Variants in VAPB observed in about 807,000 individuals in gnomAD.
VAPB encodes the protein VAMP associated protein B and C.
A neutral mutation model predicts 25.6 loss-of-function variants in VAPB; 7 were observed. The observed-to-expected ratio is 0.27, with a 90% CI of 0.16 to 0.51. VAPB has a LOEUF of 0.51. Ranked by LOEUF, VAPB falls within the 20% of genes least tolerant of loss-of-function variation. The pLI, the probability that VAPB is intolerant of heterozygous loss-of-function variation, is 0.97. For synonymous variants in VAPB, 112 were observed against 109.2 expected, an observed-to-expected ratio of 1.03 and a Z score of -0.16; for missense variants, 266 against 301.3, an observed-to-expected ratio of 0.88 and a Z score of 0.87.
intron 2 of VAPB, among the ~76,000 whole-genome samples, chr20:58,426,368 T>C: frequency 6.6e-6 from 1 of 152,210 alleles, no homozygotes. Context: ...TGGCTATTCC[T>C]TACAGAGTTC....
Position 58,410,025 on chromosome 20 carries a change from C to A in VAPB, c.59-8186C>A, listed in dbSNP as rs535728819. 1.3e-4 allele frequency among the ~76,000 whole-genome samples: 20 copies of A among 151,622 alleles called. No individual in the cohort carries two copies. In the South Asian group the frequency reaches 4.2e-3, roughly 32 times the overall value. ...CCGAAAGTGAATTAATATAAAAGAC[C>A]AAATGCTTTTTCCCCTTCCTTTTTT... is the stretch of plus-strand genomic sequence containing the variant. On this transcript the variant is annotated intron_variant, in intron 1 of 5. Transcript: ENST00000475243.
chr20:58,395,152 C>CTTTTT (rs397865707), intron 1 of VAPB, among the ~76,000 whole-genome samples: 3 of 128,568 alleles, frequency 2.3e-5, no homozygotes, highest in African/African-American at 5.9e-5. Context: ...CCAAAAGTGT[C>CTTTTT]TTTTTTTTTT....
rs1246100622 is a variant in VAPB at position 58,450,391 on chromosome 20, G to A, written c.*6156G>A. 1 of 453,904 alleles carries A rather than the reference G, an allele frequency of 2.2e-6. No homozygotes were observed. The highest frequency in any genetic ancestry group is 7.0e-5 in the East Asian group (1 of 14,380). 28.1% of individuals were successfully genotyped at this position (453,904 alleles called of 1,614,324 possible). A position where few individuals can be genotyped will look rare whatever the true frequency, so the allele number is the denominator to read the frequency against. ...CTATATGAGGTGCTGCGAAATTAGT[G>A]GGCGTGGCTTTTTATATTTTTCATT... On this transcript the variant is annotated 3_prime_UTR_variant, in exon 6 of 6. Transcript: ENST00000475243.
chr20:58,425,470 G>T (rs191202425), intron 2 of VAPB, among the ~76,000 whole-genome samples: 44 of 152,332 alleles, frequency 2.9e-4, no homozygotes, highest in Admixed American at 2.7e-3. Context: ...CGCAAAAAAT[G>T]CAAATTAGCA....
rs949428879 is a variant in VAPB at position 58,389,933 on chromosome 20, A to T, written c.58+416A>T. Among the ~76,000 whole-genome samples, 7 of 152,136 alleles carry T rather than the reference A, an allele frequency of 4.6e-5. No individual in the cohort carries two copies. In the East Asian group the frequency reaches 1.3e-3, roughly 29 times the overall value. The stretch of plus-strand genomic sequence containing the variant: ...CTGCTCAGAGAGGCCTGCTGTGACC[A>T]CCCAGCCACCGTGCACACCTGCTGT... On this transcript the variant is annotated intron_variant, in intron 1 of 5. Coordinates refer to ENST00000475243, the MANE Select transcript of VAPB (RefSeq NM_004738.5).
Position 58,447,247 on chromosome 20 carries a change from G to A in VAPB, c.*3012G>A. On this transcript the variant is annotated 3_prime_UTR_variant, in exon 6 of 6. Transcript: ENST00000475243. The stretch of plus-strand genomic sequence containing the variant: ...TTAAATTGGTAACTTAAGCTTCCTT[G>A]GCACGATACAAAATACCTCTTAAAG... 1 of 454,108 alleles carries A rather than the reference G, an allele frequency of 2.2e-6. No homozygotes were observed. The highest frequency in any genetic ancestry group is 4.4e-6 in the Non-Finnish European group (1 of 226,780). The allele number at this position is 454,108 out of a possible 1,614,324, so 28.1% of individuals were successfully genotyped here.
At chr20:58,438,111 G>A (rs1989087433) in intron 3 of VAPB, among the ~76,000 whole-genome samples, 1 of 152,136 alleles carries the variant, frequency 6.6e-6, no homozygotes, top group South Asian at 2.1e-4. Context: ...ATGGAGATGG[G>A]TCTTGGGGTA....
chr20:58,433,136 AT>A (rs1988963366), intron 2 of VAPB, among the ~76,000 whole-genome samples: 1 of 152,130 alleles, frequency 6.6e-6, no homozygotes, highest in Non-Finnish European at 1.5e-5. Flanking sequence ...TGTTTTGTGA[AT>A]GGTTCCATTA....
intron 2 of VAPB, among the ~76,000 whole-genome samples, chr20:58,422,022 G>T (rs1412762551): frequency 6.6e-6 from 1 of 152,180 alleles, no homozygotes; most frequent in East Asian, 1.9e-4. Flanking sequence ...TATAAACTTA[G>T]GTGGTAAAGT....
rs1447264007 is a variant in VAPB at position 58,434,678 on chromosome 20, A to T, written c.288A>T (p.Pro96=). Residue 96 remains proline (P), a synonymous_variant, in exon 3 of 6, where the codon CCA becomes CCT. Transcript: ENST00000475243. ...HKFMVQSMFA[P]TDTSDMEAVW... Reference sequence around the variant, plus strand: ...TTATGGTTCAGTCTATGTTTGCTCCAACTGACACTTCAGATATGGAAGCAG... The same window carrying T: ...TTATGGTTCAGTCTATGTTTGCTCCTACTGACACTTCAGATATGGAAGCAG... 2 of 1,582,104 alleles carry T rather than the reference A, an allele frequency of 1.3e-6. No individual in the cohort carries two copies. The highest frequency in any genetic ancestry group is 2.7e-5 in the African/African-American group (2 of 74,374).
At chr20:58,401,632 G>T (rs1366743722) in intron 1 of VAPB, among the ~76,000 whole-genome samples, 1 of 152,058 alleles carries the variant, frequency 6.6e-6, no homozygotes, top group Non-Finnish European at 1.5e-5. Context: ...CAGGGTTACA[G>T]GTTCACCTTC....
chr20:58,432,879 A>AT (rs572745046), intron 2 of VAPB, among the ~76,000 whole-genome samples: 30 of 152,332 alleles, frequency 2.0e-4, no homozygotes, highest in African/African-American at 6.3e-4. Context: ...AGAAAGAGTT[A>AT]TGTTGATAAA....
chr20:58,433,636 A>T (rs906663551), intron 2 of VAPB, among the ~76,000 whole-genome samples: 1 of 152,134 alleles, frequency 6.6e-6, no homozygotes, highest in African/African-American at 2.4e-5. Context: ...CATTCTTTTC[A>T]TGTGAAAAGT....
intron 2 of VAPB, among the ~76,000 whole-genome samples, chr20:58,421,435 T>C (rs1391857435): frequency 6.6e-6 from 1 of 152,204 alleles, no homozygotes; most frequent in African/African-American, 2.4e-5. Context: ...AGAAGAAATT[T>C]GTGTTTTCTC....
chr20:58,430,341 G>A (rs1725291267), intron 2 of VAPB, among the ~76,000 whole-genome samples: 1 of 151,516 alleles, frequency 6.6e-6, no homozygotes, highest in Non-Finnish European at 1.5e-5. Flanking sequence ...GACAGAGTGA[G>A]ACTCCATCCT....
chr20:58,426,736 G>A (rs1295717694), intron 2 of VAPB, among the ~76,000 whole-genome samples: 2 of 152,214 alleles, frequency 1.3e-5, no homozygotes, highest in African/African-American at 2.4e-5. Context: ...AATTTGTGGA[G>A]TTTGTAGGGG....
chr20:58,450,701 G>A lies in VAPB; in HGVS notation c.*6466G>A, dbSNP rs1022277684. On this transcript the variant is annotated 3_prime_UTR_variant, in exon 6 of 6. Coordinates refer to ENST00000475243, the MANE Select transcript of VAPB (RefSeq NM_004738.5). ...GATTCCCACAGTTTCTGATGTGTGT[G>A]TTTATAGTCTTCAATGTATGTTAAC... 1 of 453,866 alleles carries A rather than the reference G, an allele frequency of 2.2e-6. No homozygotes were observed. The highest frequency in any genetic ancestry group is 4.4e-6 in the Non-Finnish European group (1 of 226,738). 28.1% of individuals were successfully genotyped at this position (453,866 alleles called of 1,614,324 possible).
In VAPB at chr20:58,392,484, G is replaced by C. The variant is rs1030705841; in HGVS notation, c.58+2967G>C. ...GAGACATCTGTGTGTGTTCTTAAAT[G>C]ACGTCATGAGGTGTGTTGTTTGTTT... On this transcript the variant is annotated intron_variant, in intron 1 of 5. Transcript: ENST00000475243. Among the ~76,000 whole-genome samples the C allele has an allele frequency of 2.6e-5, 4 of 152,344 alleles. No individual in the cohort carries two copies. The South Asian group carries it at 8.3e-4, about 32-fold the overall frequency.
At chr20:58,401,993 G>T (rs1988105926) in intron 1 of VAPB, among the ~76,000 whole-genome samples, 1 of 152,086 alleles carries the variant, frequency 6.6e-6, no homozygotes, top group African/African-American at 2.4e-5. Context: ...AACTGTAATA[G>T]CCTCTTAACT....
Sources: allele counts gnomAD v4.1 joint callset (sites outside exome capture counted in the v4.1 genomes callset), GRCh38; gene constraint gnomAD v4.1.1; transcripts MANE v1.5; gene names NCBI Gene and HGNC (gene_info 2026-07-23, HGNC 2026-07-21).